TFAP2E: variants seen among roughly 807,000 people sequenced by gnomAD.
TFAP2E encodes the protein transcription factor AP-2 epsilon, also known as transcription factor AP-2-epsilon.
TFAP2E carries 30 observed loss-of-function variants against 37.9 expected under a neutral mutation model. The observed-to-expected ratio is 0.79, with a 90% confidence interval of 0.59 to 1.07. The LOEUF (loss-of-function observed/expected upper bound fraction) is 1.07. Among genes scored for constraint, TFAP2E ranks in the 50% least tolerant of loss-of-function variants. TFAP2E has a pLI of 0.00. For missense variants in TFAP2E, 567 were observed against 637.9 expected, an observed-to-expected ratio of 0.89 and a Z score of 1.20; for synonymous variants, 318 against 295.8, an observed-to-expected ratio of 1.08 and a Z score of -0.77.
intron 6 of TFAP2E, among the ~76,000 whole-genome samples, chr1:35,594,151 A>C (rs1009810406): frequency 4.6e-5 from 7 of 152,212 alleles, no homozygotes; most frequent in African/African-American, 1.7e-4. Flanking sequence ...AGACATCCAA[A>C]AAAGAAACAT....
Position 35,588,720 on chromosome 1 carries a change from G to A in TFAP2E, c.785+168G>A, listed in dbSNP as rs1649563408. 2.6e-5 allele frequency among the ~76,000 whole-genome samples: 4 copies of A among 152,298 alleles called. No homozygotes were observed. In the South Asian group the frequency reaches 6.2e-4, roughly 24 times the overall value. On this transcript the variant is annotated intron_variant, in intron 4 of 6. Transcript: ENST00000373235. This position sits in a 1 kb window ranked among gnomAD's most constrained non-coding sequence, Gnocchi z 5.1. ...TGTGCATGTTGTGGGGGCCGGCCCA[G>A]GTCCCTGGTGGCTGCCACATGTCTG... is the stretch of plus-strand genomic sequence containing the variant.
At position 35,590,554 on chromosome 1, in the gene TFAP2E, G is replaced by T; in HGVS notation, c.905-80G>T. The T allele has an allele frequency of 7.1e-7, 1 of 1,400,744 alleles. No homozygotes were observed. Among genetic ancestry groups the T allele is most frequent in the South Asian group, 1.9e-5 (1 of 52,178 alleles). The allele number at this position is 1,400,744 out of a possible 1,614,324, so 86.8% of individuals were successfully genotyped here. A position where few individuals can be genotyped will look rare whatever the true frequency, so the allele number is the denominator to read the frequency against. On this transcript the variant is annotated intron_variant, in intron 5 of 6. Transcript: ENST00000373235. The surrounding 1 kb of genome is among the most constrained non-coding windows in gnomAD (Gnocchi z 6.2). ...AGGCAGGATGGGGCAGGATACCCCT[G>T]ACCAGGGGGTCAGAGGTTCAAAGCT...
chr1:35,579,691 G>A (rs1287573145), intron 3 of TFAP2E, among the ~76,000 whole-genome samples: 1 of 152,066 alleles, frequency 6.6e-6, no homozygotes, highest in Non-Finnish European at 1.5e-5. Context: ...CACCACGCTT[G>A]GCCTTTTTAA....
chr1:35,594,721 T>C lies in TFAP2E; in HGVS notation c.*45T>C, dbSNP rs772176083. On this transcript the variant is annotated 3_prime_UTR_variant, in exon 7 of 7. Coordinates refer to ENST00000373235, the MANE Select transcript of TFAP2E (RefSeq NM_178548.4). ...CCTAAGGGGCTCCCAGGCCCTGAAA[T>C]AGGGACTTAGCTCTTGGGGGTGGGC... The C allele has an allele frequency of 1.2e-6, 2 of 1,610,500 alleles. No individual in the cohort carries two copies. The highest frequency in any genetic ancestry group is 1.1e-5 in the South Asian group (1 of 90,954).
In TFAP2E at chr1:35,577,179, C is replaced by T. The variant is rs573827876; in HGVS notation, c.562+2179C>T. On this transcript the variant is annotated intron_variant, in intron 3 of 6. Transcript: ENST00000373235. This position sits in a 1 kb window ranked among gnomAD's most constrained non-coding sequence, Gnocchi z 6.3. ...CAAAGGGGAAGGGGCAGGAGCCGGG[C>T]ACAGTTGGATCCGGAGGTCGTGACC... 1.5e-4 allele frequency: 54 copies of T among 354,262 alleles called. No homozygotes were observed. The highest frequency in any genetic ancestry group is 1.1e-3 in the South Asian group (52 of 48,592). The allele number at this position is 354,262 out of a possible 1,614,324, so 21.9% of individuals were successfully genotyped here.
chr1:35,573,946 G>T lies in TFAP2E; in HGVS notation c.47G>T (p.Gly16Val). 6.9e-7 allele frequency: 1 copy of T among 1,454,272 alleles called. No individual in the cohort carries two copies. Among genetic ancestry groups the T allele is most frequent in the South Asian group, 1.4e-5 (1 of 70,046 alleles). The allele number at this position is 1,454,272 out of a possible 1,614,324, so 90.1% of individuals were successfully genotyped here. A position where few individuals can be genotyped will look rare whatever the true frequency, so the allele number is the denominator to read the frequency against. ...CCCCAGGAGCGCCCCGACGGGCTGG[G>T]AGCAGCTGCCGGCGGGGCCCGCCTG... is the stretch of plus-strand genomic sequence containing the variant. The part of the protein sequence containing the change: ...YSAMERPDGL[G>V]AAAGGARLSS... Residue 16 changes from glycine to valine, a missense_variant, in exon 2 of 7, where the codon GGA (glycine) becomes GTA (valine). Physicochemically the swap from Gly to Val is moderately radical, Grantham distance 109. Transcript: ENST00000373235. This position sits in a 1 kb window ranked among gnomAD's most constrained non-coding sequence, Gnocchi z 5.9.
Position 35,584,483 on chromosome 1 carries a change from G to T in TFAP2E, c.563-3847G>T, listed in dbSNP as rs558048702. The stretch of plus-strand genomic sequence containing the variant: ...TCTCCAACCCCTACTTCTGGTGAGG[G>T]GTGATGGGAGGGAAGACAGTTACTT... On this transcript the variant is annotated intron_variant, in intron 3 of 6. Transcript: ENST00000373235. Among the ~76,000 whole-genome samples the T allele has an allele frequency of 3.3e-5, 5 of 152,134 alleles. 1 individual carries two copies. In the South Asian group the frequency reaches 1.0e-3, roughly 32 times the overall value.
rs1649257297 is a variant in TFAP2E, at chr1:35,578,735, GTGAGA to G, written c.562+3740_562+3744del. On this transcript the variant is annotated intron_variant, in intron 3 of 6. Transcript: ENST00000373235. ...CAATCTCTAAGCAGCCAGGACATGG[GTGAGA>G]TGAGTGAGATACTGACTTCTGGGAC... Among the ~76,000 whole-genome samples, 4 of 152,302 alleles carry G rather than the reference GTGAGA, an allele frequency of 2.6e-5. No homozygotes were observed. In the South Asian group the frequency reaches 8.3e-4, roughly 32 times the overall value.
rs1233081241 is a variant in TFAP2E, at chr1:35,574,021, C to T, written c.122C>T (p.Thr41Met). The change falls in exon 2 of 7, where the codon ACG becomes ATG. Residue 41 changes from threonine to methionine, a missense_variant. Around this residue, in one of 3 missense-constraint regions of TFAP2E, gnomAD observed 312 missense variants for 317.4 expected, o/e 0.98. Coordinates refer to ENST00000373235, the MANE Select transcript of TFAP2E (RefSeq NM_178548.4). ...GGGCCGGCGCCCCCGCTCTGCCACA[C>T]GCCGGCCGCCACAGCTGCCGCCGAA... The part of the protein sequence containing the change: ...AYGPAPPLCH[T>M]PAATAAAEFQ... 1.3e-6 allele frequency: 2 copies of T among 1,486,278 alleles called. No homozygotes were observed. The highest frequency in any genetic ancestry group is 1.8e-6 in the Non-Finnish European group (2 of 1,124,568). The allele number at this position is 1,486,278 out of a possible 1,614,324, so 92.1% of individuals were successfully genotyped here. A position where few individuals can be genotyped will look rare whatever the true frequency, so the allele number is the denominator to read the frequency against.
At chr1:35,583,269 C>T (rs182715345) in intron 3 of TFAP2E, among the ~76,000 whole-genome samples, 10 of 152,126 alleles carry the variant, frequency 6.6e-5, no homozygotes, top group Non-Finnish European at 1.2e-4. Context: ...CCTGAGGTCA[C>T]GAAGATTTTT....
chr1:35,577,764 C>A lies in TFAP2E; in HGVS notation c.562+2764C>A, dbSNP rs1018074134. On this transcript the variant is annotated intron_variant, in intron 3 of 6. Transcript: ENST00000373235. This position sits in a 1 kb window ranked among gnomAD's most constrained non-coding sequence, Gnocchi z 6.3. ...TTGGAAAAGCTTCGCTGACTGCAGG[C>A]AAGCGTCCGGGAGGGGCGGCCAGGC... The A allele has an allele frequency of 4.1e-6, 1 of 242,922 alleles. No homozygotes were observed. Among genetic ancestry groups the A allele is most frequent in the Non-Finnish European group, 8.5e-6 (1 of 117,066 alleles). 15.0% of individuals were successfully genotyped at this position (242,922 alleles called of 1,614,324 possible).
intron 3 of TFAP2E, among the ~76,000 whole-genome samples, chr1:35,581,944 C>T (rs1384572465): frequency 6.6e-6 from 1 of 151,678 alleles, no homozygotes; most frequent in East Asian, 1.9e-4. Flanking sequence ...GGCACAATCT[C>T]GGCTCACTGC....
rs1385048883 is a variant in TFAP2E, at chr1:35,588,068, G to A, written c.563-262G>A. 4.6e-5 allele frequency among the ~76,000 whole-genome samples: 7 copies of A among 152,110 alleles called. No individual in the cohort carries two copies. Among genetic ancestry groups the A allele is most frequent in the African/African-American group, 9.7e-5 (4 of 41,406 alleles). ...TCCAGGTCCCTCTCTGATGGCATCC[G>A]CTAAAACACCAAGATTCCGCTGGAG... is the stretch of plus-strand genomic sequence containing the variant. On this transcript the variant is annotated intron_variant, in intron 3 of 6. Transcript: ENST00000373235. The surrounding 1 kb of genome is among the most constrained non-coding windows in gnomAD (Gnocchi z 5.1).
chr1:35,578,428 G>GGA (rs1557433528), intron 3 of TFAP2E, among the ~76,000 whole-genome samples: 1 of 132,288 alleles, frequency 7.6e-6, no homozygotes, highest in African/African-American at 2.8e-5. Context: ...CTCCGTCTCG[G>GGA]AAAAAAAAAA....
In TFAP2E at chr1:35,590,886, T is replaced by C. The variant is rs546995921; in HGVS notation, c.1046+111T>C. 1 of 1,218,182 alleles carries C rather than the reference T, an allele frequency of 8.2e-7. No homozygotes were observed. Among genetic ancestry groups the C allele is most frequent in the African/African-American group, 1.5e-5 (1 of 64,822 alleles). The allele number at this position is 1,218,182 out of a possible 1,614,324, so 75.5% of individuals were successfully genotyped here. A position where few individuals can be genotyped will look rare whatever the true frequency, so the allele number is the denominator to read the frequency against. On this transcript the variant is annotated intron_variant, in intron 6 of 6. Coordinates refer to ENST00000373235, the MANE Select transcript of TFAP2E (RefSeq NM_178548.4). This position sits in a 1 kb window ranked among gnomAD's most constrained non-coding sequence, Gnocchi z 6.2. Reference sequence around the variant, plus strand: ...CATGAGCAGTGGGCACACATGCGTATTTGCGCACCACTGTGTACACGAGCA... The same window carrying C: ...CATGAGCAGTGGGCACACATGCGTACTTGCGCACCACTGTGTACACGAGCA...
chr1:35,594,268 A>G lies in TFAP2E; in HGVS notation c.1047-126A>G. The G allele has an allele frequency of 3.3e-6, 4 of 1,215,446 alleles. No individual in the cohort carries two copies. In the East Asian group the frequency reaches 7.5e-5, roughly 23 times the overall value. 75.3% of individuals were successfully genotyped at this position (1,215,446 alleles called of 1,614,324 possible). A position where few individuals can be genotyped will look rare whatever the true frequency, so the allele number is the denominator to read the frequency against. On this transcript the variant is annotated intron_variant, in intron 6 of 6. Coordinates refer to ENST00000373235, the MANE Select transcript of TFAP2E (RefSeq NM_178548.4). ...TTCTGTAAAAAACAGTATGGTCATC[A>G]TTTGCAGACTGTTGGGAGGGTCAGC...
In TFAP2E at chr1:35,573,508, T is replaced by C; in HGVS notation, c.-70T>C. The C allele has an allele frequency of 2.1e-6, 3 of 1,434,788 alleles. No homozygotes were observed. Among genetic ancestry groups the C allele is most frequent in the Non-Finnish European group, 2.7e-6 (3 of 1,097,590 alleles). The allele number at this position is 1,434,788 out of a possible 1,614,324, so 88.9% of individuals were successfully genotyped here. On this transcript the variant is annotated 5_prime_UTR_variant, in exon 1 of 7. Transcript: ENST00000373235. The surrounding 1 kb of genome is among the most constrained non-coding windows in gnomAD (Gnocchi z 5.9). Reference sequence around the variant, plus strand: ...GGGCTGTGCCGGCTCCCGGCGCCTCTGCCCGCAGCGCTCGCCGTCGGGCTA... The same window carrying C: ...GGGCTGTGCCGGCTCCCGGCGCCTCCGCCCGCAGCGCTCGCCGTCGGGCTA...
intron 3 of TFAP2E, among the ~76,000 whole-genome samples, chr1:35,582,800 C>G (rs1297219205): frequency 6.6e-6 from 1 of 152,144 alleles, no homozygotes; most frequent in Admixed American, 6.5e-5. Context: ...ACTGGGACTA[C>G]ATTCTCATGC....
At chr1:35,575,254 C>T (rs1377647715) in intron 3 of TFAP2E, among the ~76,000 whole-genome samples, 2 of 152,200 alleles carry the variant, frequency 1.3e-5, no homozygotes. Flanking sequence ...CTCTCCCCGC[C>T]GAGGGGGAGG....
Sources: gnomAD v4.1 joint callset for allele counts (sites outside exome capture counted in the v4.1 genomes callset) on GRCh38, gnomAD v4.1.1 for gene constraint, gnomAD v4.1.1 regional missense constraint, Gnocchi (gnomAD v3.1) non-coding constraint, MANE v1.5 for transcripts, NCBI Gene and HGNC (gene_info 2026-07-23, HGNC 2026-07-21) for gene names.